VEPH1: variants seen among roughly 807,000 people sequenced by gnomAD.
The protein encoded by VEPH1 is ventricular zone-expressed PH domain-containing protein homolog 1.
In VEPH1, 80 loss-of-function variants were observed where a neutral mutation model predicts 85.2. The ratio of observed to expected loss-of-function variants is 0.94; its 90% CI spans 0.78 to 1.13. VEPH1 has a LOEUF of 1.13. VEPH1 is among the 50% of genes most tolerant of loss of function. The pLI is 0.00. For synonymous variants in VEPH1, 297 were observed against 348.0 expected (o/e 0.85, Z 1.63); for missense variants, 955 against 980.5 (o/e 0.97, Z 0.35).
intron 6 of VEPH1, among the ~76,000 whole-genome samples, chr3:157,399,362 A>G (rs1452439624): frequency 6.6e-6 from 1 of 152,228 alleles, no homozygotes; most frequent in Non-Finnish European, 1.5e-5. Context: ...AAAAGCAGTT[A>G]CGTGATTACA....
chr3:157,274,780 A>G (rs959729031), intron 12 of VEPH1, among the ~76,000 whole-genome samples: 3 of 152,176 alleles, frequency 2.0e-5, no homozygotes, highest in African/African-American at 7.2e-5. Context: ...GATTATAAGC[A>G]TGAGCCACTG....
At chr3:157,370,636 G>T (rs1191066776) in intron 7 of VEPH1, among the ~76,000 whole-genome samples, 3 of 152,184 alleles carry the variant, frequency 2.0e-5, no homozygotes, top group Non-Finnish European at 2.9e-5. Flanking sequence ...CTCAGTTCTT[G>T]GTATCTATTC....
At chr3:157,475,329 A>T (rs920629537) in intron 2 of VEPH1, among the ~76,000 whole-genome samples, 1 of 152,002 alleles carries the variant, frequency 6.6e-6, no homozygotes, top group African/African-American at 2.4e-5. Flanking sequence ...CTAAGTCATT[A>T]AATATATGTC....
chr3:157,467,821 C>T (rs1299834640), intron 3 of VEPH1, among the ~76,000 whole-genome samples: 2 of 152,206 alleles, frequency 1.3e-5, no homozygotes, highest in East Asian at 1.9e-4. Flanking sequence ...TTTTCTCTTT[C>T]GCTTCCCAAA....
intron 3 of VEPH1, among the ~76,000 whole-genome samples, chr3:157,466,454 C>T (rs546271601): frequency 1.3e-5 from 2 of 152,118 alleles, no homozygotes; most frequent in African/African-American, 2.4e-5. Context: ...TTTTCGTTGC[C>T]CTGCAAGACT....
intron 9 of VEPH1, among the ~76,000 whole-genome samples, chr3:157,349,310 A>C (rs985404201): frequency 1.3e-5 from 2 of 152,266 alleles, no homozygotes; most frequent in African/African-American, 4.8e-5. Flanking sequence ...GATGCAGGAA[A>C]AACATTTGAG....
chr3:157,467,709 A>G (rs1423847758), intron 3 of VEPH1, among the ~76,000 whole-genome samples: 3 of 152,152 alleles, frequency 2.0e-5, no homozygotes, highest in East Asian at 1.9e-4. Flanking sequence ...CTGAGGGCCT[A>G]CAATGGACAC....
intron 4 of VEPH1, chr3:157,437,888 G>T: frequency 6.6e-7 from 1 of 1,520,212 alleles, no homozygotes; most frequent in Non-Finnish European, 8.8e-7. Flanking sequence ...GTGCAGGGCT[G>T]GGCTGCCCGG....
Position 157,429,882 on chromosome 3 carries a change from T to C in VEPH1, c.530-1394A>G, listed in dbSNP as rs539998212. On this transcript the variant is annotated intron_variant, in intron 4 of 13. Coordinates refer to ENST00000362010, the MANE Select transcript of VEPH1 (RefSeq NM_001167912.2). ...CAGTCTAAGACAGGAAACTGTTGCATGGCATTTCGGTACAAAACTCACTAC... is the reference window on the plus strand; with the variant it reads ...CAGTCTAAGACAGGAAACTGTTGCACGGCATTTCGGTACAAAACTCACTAC... Among the ~76,000 whole-genome samples the C allele has an allele frequency of 3.9e-5, 6 of 152,334 alleles. No homozygotes were observed. In the South Asian group the frequency reaches 1.2e-3, roughly 32 times the overall value.
Position 157,369,193 on chromosome 3 carries a change from A to ACAAAAAAAAAAAAAAAAAAAC in VEPH1, c.1128-4682_1128-4681insGTTTTTTTTTTTTTTTTTTTG, listed in dbSNP as rs1417067119. On this transcript the variant is annotated intron_variant, in intron 7 of 13. Coordinates refer to ENST00000362010, the MANE Select transcript of VEPH1 (RefSeq NM_001167912.2). The stretch of plus-strand genomic sequence containing the variant: ...CAAAAACCAAATGAAAAAAAAAAAA[A>ACAAAAAAAAAAAAAAAAAAAC]AAAAAAAAAAACCTCCTGAGGTCTA... 2.1e-5 allele frequency among the ~76,000 whole-genome samples: 3 copies of ACAAAAAAAAAAAAAAAAAAAC among 140,630 alleles called. No homozygotes were observed. In the East Asian group the frequency reaches 6.6e-4, roughly 31 times the overall value. The allele number at this position is 140,630 out of a possible 152,430, so 92.3% of individuals were successfully genotyped here.
At chr3:157,491,366 C>G (rs1223391383) in intron 2 of VEPH1, among the ~76,000 whole-genome samples, 1 of 151,968 alleles carries the variant, frequency 6.6e-6, no homozygotes, top group Admixed American at 6.6e-5. Flanking sequence ...CTTGGAGTAG[C>G]CTGGGAGGAA....
chr3:157,496,411 GCC>G lies in VEPH1; in HGVS notation c.-157-907_-157-906del, dbSNP rs550161876. Among the ~76,000 whole-genome samples the G allele has an allele frequency of 3.4e-3, 514 of 152,308 alleles. 5 individuals carry two copies. The highest frequency in any genetic ancestry group is 0.012 in the African/African-American group (483 of 41,574). ...TAATGTCCAGTGAGGTTTAATGACT[GCC>G]CCAAGGCCCCATAATAGCTGTGGCA... On this transcript the variant is annotated intron_variant, in intron 1 of 13. Transcript: ENST00000362010.
chr3:157,444,985 C>G (rs1428859053), intron 4 of VEPH1, among the ~76,000 whole-genome samples: 7 of 152,176 alleles, frequency 4.6e-5, no homozygotes, highest in African/African-American at 7.2e-5. Context: ...CATGTGACCA[C>G]TCAGAGTAAA....
At chr3:157,331,651 GA>G (rs1722517061) in intron 9 of VEPH1, among the ~76,000 whole-genome samples, 1 of 152,202 alleles carries the variant, frequency 6.6e-6, no homozygotes, top group Non-Finnish European at 1.5e-5. Context: ...AATTTGCACT[GA>G]GAGAGAATTA....
intron 9 of VEPH1, among the ~76,000 whole-genome samples, chr3:157,352,350 A>G (rs907500560): frequency 6.6e-6 from 1 of 152,100 alleles, no homozygotes; most frequent in African/African-American, 2.4e-5. Flanking sequence ...TTTATTATAT[A>G]TTTTTATAGG....
At chr3:157,344,607 A>G (rs1317795815) in intron 9 of VEPH1, among the ~76,000 whole-genome samples, 1 of 152,226 alleles carries the variant, frequency 6.6e-6, no homozygotes, top group African/African-American at 2.4e-5. Flanking sequence ...TGCCCAAGGT[A>G]ATTTATAGAT....
chr3:157,446,801 T>C (rs1396935452), intron 4 of VEPH1, among the ~76,000 whole-genome samples: 7 of 152,212 alleles, frequency 4.6e-5, no homozygotes, highest in African/African-American at 1.2e-4. Context: ...GTTTTATAAA[T>C]CTGGAGTGTA....
intron 9 of VEPH1, among the ~76,000 whole-genome samples, chr3:157,352,030 A>G (rs1309538976): frequency 6.6e-6 from 1 of 152,234 alleles, no homozygotes; most frequent in Non-Finnish European, 1.5e-5. Flanking sequence ...TGTTTGTTGC[A>G]TAATATAAAC....
At chr3:157,299,761 G>A (rs913493092) in intron 11 of VEPH1, among the ~76,000 whole-genome samples, 40 of 152,186 alleles carry the variant, frequency 2.6e-4, no homozygotes, top group African/African-American at 9.2e-4. Flanking sequence ...AAACAATTTT[G>A]TTGTTGTTGA....
Sources: gnomAD v4.1 joint callset for allele counts (sites outside exome capture counted in the v4.1 genomes callset) on GRCh38, gnomAD v4.1.1 for gene constraint, MANE v1.5 for transcripts, NCBI Gene and HGNC (gene_info 2026-07-23, HGNC 2026-07-21) for gene names.